UNC13C: variants seen among roughly 807,000 people sequenced by gnomAD.
UNC13C encodes protein unc-13 homolog C.
Under a neutral mutation model 245.4 loss-of-function variants are expected in UNC13C, and 174 were observed. The observed-to-expected ratio is 0.71, with a 90% CI of 0.63 to 0.80. UNC13C has a LOEUF of 0.80. Among genes scored for constraint, UNC13C ranks in the 30% least tolerant of loss-of-function variants. UNC13C has a pLI of 0.00. For synonymous variants in UNC13C, 992 were observed against 895.1 expected, an observed-to-expected ratio of 1.11 and a Z score of -1.93; for missense variants, 2,829 against 2,602.9, an observed-to-expected ratio of 1.09 and a Z score of -1.89.
chr15:54,360,736 G>A (rs549373456), intron 17 of UNC13C, among the ~76,000 whole-genome samples: 34 of 152,130 alleles, frequency 2.2e-4, no homozygotes, highest in Middle Eastern at 3.4e-3. Context: ...GCTTTTCTTA[G>A]TACAGTATTC....
chr15:54,110,806 C>G (rs749617397), intron 2 of UNC13C, among the ~76,000 whole-genome samples: 1 of 152,012 alleles, frequency 6.6e-6, no homozygotes, highest in Non-Finnish European at 1.5e-5. Context: ...CATAAGTGAC[C>G]CTTAATAGAA....
At position 54,628,198 on chromosome 15, in the gene UNC13C, G is replaced by A. The variant is rs1901308912; in HGVS notation, c.*1085G>A. ...ATACAGCTTGGTACCTAAAAATATA[G>A]CTAAGTTGGTTTTTGAATATAAAAC... On this transcript the variant is annotated 3_prime_UTR_variant, in exon 33 of 33. Transcript: ENST00000260323. 1 of 151,830 alleles carries A rather than the reference G, an allele frequency of 6.6e-6. No homozygotes were observed. The highest frequency in any genetic ancestry group is 1.5e-5 in the Non-Finnish European group (1 of 67,932). 9.4% of individuals were successfully genotyped at this position (151,830 alleles called of 1,614,324 possible).
At chr15:54,196,911 G>C (rs2034371402) in intron 4 of UNC13C, among the ~76,000 whole-genome samples, 1 of 152,092 alleles carries the variant, frequency 6.6e-6, no homozygotes, top group African/African-American at 2.4e-5. Flanking sequence ...CCAGGGATGA[G>C]AAAATGTATC....
chr15:54,587,657 C>A (rs953024772), intron 30 of UNC13C, among the ~76,000 whole-genome samples: 1 of 152,086 alleles, frequency 6.6e-6, no homozygotes, highest in East Asian at 1.9e-4. Context: ...CACTGCTCCT[C>A]CCCTCTGGCA....
chr15:54,121,066 T>G (rs12917127), intron 2 of UNC13C, among the ~76,000 whole-genome samples: 45,495 of 152,100 alleles, frequency 0.3, 7,180 homozygotes, highest in Admixed American at 0.36. Context: ...GCAGCAGCGT[T>G]TGAGAGGATG....
chr15:54,578,541 T>C (rs1215674161), intron 30 of UNC13C, among the ~76,000 whole-genome samples: 1 of 152,220 alleles, frequency 6.6e-6, no homozygotes, highest in Non-Finnish European at 1.5e-5. Context: ...GTAACATACA[T>C]ATATTTTCAA....
chr15:54,315,142 C>G (rs1225217990), intron 13 of UNC13C, among the ~76,000 whole-genome samples: 1 of 151,730 alleles, frequency 6.6e-6, no homozygotes, highest in East Asian at 1.9e-4. Flanking sequence ...CTGCAGAAAT[C>G]TCAGGTAACT....
intron 4 of UNC13C, among the ~76,000 whole-genome samples, chr15:54,227,580 C>G (rs2035426758): frequency 2.0e-5 from 3 of 152,154 alleles, no homozygotes; most frequent in Non-Finnish European, 4.4e-5. Context: ...TCAGGACTTC[C>G]CTGAGTGCAC....
At chr15:54,400,364 C>T (rs2040157117) in intron 18 of UNC13C, among the ~76,000 whole-genome samples, 1 of 151,942 alleles carries the variant, frequency 6.6e-6, no homozygotes, top group Non-Finnish European at 1.5e-5. Flanking sequence ...GTTAAGTCCC[C>T]CCTCCCTTTT....
At position 54,012,947 on chromosome 15, in the gene UNC13C, A is replaced by G. The variant is rs1028822198; in HGVS notation, c.44A>G (p.His15Arg). Reference protein sequence around the residue: ...FFKSLILPYIHKLCKGMFTKK... With the variant: ...FFKSLILPYIRKLCKGMFTKK... ...AAGAGCTTGATTTTACCTTACATTC[A>G]TAAGCTTTGCAAAGGAATGTTTACA... The change falls in exon 2 of 33, where the codon CAT becomes CGT. Residue 15 changes from histidine to arginine, a missense_variant. Coordinates refer to ENST00000260323, the MANE Select transcript of UNC13C (RefSeq NM_001080534.3). The G allele has an allele frequency of 1.2e-5, 20 of 1,612,750 alleles. No homozygotes were observed. In the East Asian group the frequency reaches 1.3e-4, roughly 11 times the overall value.
At chr15:54,174,449 T>G (rs1172768365) in intron 4 of UNC13C, among the ~76,000 whole-genome samples, 1 of 152,210 alleles carries the variant, frequency 6.6e-6, no homozygotes, top group Non-Finnish European at 1.5e-5. Flanking sequence ...TTTTTAATTT[T>G]TAATGATAAT....
chr15:54,121,600 C>G (rs536638925), intron 2 of UNC13C, among the ~76,000 whole-genome samples: 1 of 151,820 alleles, frequency 6.6e-6, no homozygotes, highest in South Asian at 2.1e-4. Flanking sequence ...TTTTAATTTC[C>G]CTTGATATTT....
intron 6 of UNC13C, among the ~76,000 whole-genome samples, chr15:54,237,369 C>A (rs1425288731): frequency 6.6e-6 from 1 of 152,090 alleles, no homozygotes; most frequent in Admixed American, 6.6e-5. Flanking sequence ...GTCATCTTGC[C>A]TTTCTGGGCC....
chr15:54,507,145 C>G lies in UNC13C; in HGVS notation c.5330C>G (p.Ala1777Gly). 14 of 1,599,696 alleles carry G rather than the reference C, an allele frequency of 8.8e-6. No individual in the cohort carries two copies. The highest frequency in any genetic ancestry group is 1.1e-5 in the Non-Finnish European group (13 of 1,172,094). ...ATCAATAAAGTGCTGCTCCAGTATG[C>G]TGCAATTGTATCAAGTGATTTCAGT... ...KTINKVLLQY[A>G]AIVSSDFSSH... Residue 1777 changes from alanine to glycine, a missense_variant, in exon 23 of 33, where the codon GCT (alanine) becomes GGT (glycine). Ala to Gly is a moderately conservative substitution (Grantham distance 60, BLOSUM62 0). Transcript: ENST00000260323.
At chr15:54,116,194 C>G (rs930906434) in intron 2 of UNC13C, among the ~76,000 whole-genome samples, 1 of 151,988 alleles carries the variant, frequency 6.6e-6, no homozygotes. Flanking sequence ...TAATCTAGCA[C>G]TTTTCTTTAA....
the UNC13C span, among the ~76,000 whole-genome samples, chr15:53,910,256 C>A: frequency 6.9e-6 from 1 of 145,506 alleles, no homozygotes; most frequent in Non-Finnish European, 1.5e-5. Flanking sequence ...TGTCACTTAA[C>A]CCCCAGGAGG....
At chr15:53,976,052 G>A (rs1277368516), upstream of UNC13C, among the ~76,000 whole-genome samples, 1 of 152,056 alleles carries the variant, frequency 6.6e-6, no homozygotes, top group African/African-American at 2.4e-5. Context: ...ATTCAAATCA[G>A]GTACTCAGTA....
chr15:54,029,184 A>T (rs1158400992), intron 2 of UNC13C, among the ~76,000 whole-genome samples: 1 of 152,212 alleles, frequency 6.6e-6, no homozygotes, highest in Non-Finnish European at 1.5e-5. Context: ...ACTTAGCATT[A>T]ATAGCTTCAG....
At chr15:54,552,107 A>G (rs1456002032) in intron 28 of UNC13C, among the ~76,000 whole-genome samples, 4 of 150,032 alleles carry the variant, frequency 2.7e-5, no homozygotes, top group Non-Finnish European at 5.9e-5. Flanking sequence ...AAATGAAACA[A>G]TGTGGGGAAC....
Sources: gnomAD v4.1 joint callset for allele counts (sites outside exome capture counted in the v4.1 genomes callset) on GRCh38, gnomAD v4.1.1 for gene constraint, MANE v1.5 for transcripts, NCBI Gene and HGNC (gene_info 2026-07-23, HGNC 2026-07-21) for gene names.